The following WBP4 variants were observed in gnomAD, a reference collection of about 807,000 sequenced individuals.
WBP4 encodes WW domain binding protein 4, also known as WW domain-binding protein 4.
A neutral mutation model predicts 55.4 loss-of-function variants in WBP4; 37 were observed. That is an observed-to-expected ratio of 0.67 (90% CI 0.51 to 0.88). The LOEUF (loss-of-function observed/expected upper bound fraction) is 0.88, where lower values mean the gene tolerates loss of function less well. WBP4 is among the 40% of genes least tolerant of loss of function. The pLI is 0.00. For missense variants in WBP4, 398 were observed against 420.8 expected (o/e 0.95, Z 0.47); for synonymous variants, 142 against 140.2 (o/e 1.01, Z -0.09).
At chr13:41,078,402 C>T (rs145995397) in intron 8 of WBP4, among the ~76,000 whole-genome samples, 8 of 152,266 alleles carry the variant, frequency 5.3e-5, no homozygotes, top group African/African-American at 1.4e-4. Flanking sequence ...AGGGATACCC[C>T]ATTCAATAAA....
rs1593436764 is a variant in WBP4, at chr13:41,082,977, A to T, written c.*63A>T. ...ATGGAGACTTATACACCCAAAGTTT[A>T]TCTGTGTTTGTTTGTAAGTATTATG... is the stretch of plus-strand genomic sequence containing the variant. On this transcript the variant is annotated 3_prime_UTR_variant, in exon 10 of 10. Transcript: ENST00000379487. 1.4e-6 allele frequency: 2 copies of T among 1,467,372 alleles called. No homozygotes were observed. The highest frequency in any genetic ancestry group is 2.8e-5 in the African/African-American group (2 of 70,538). 90.9% of individuals were successfully genotyped at this position (1,467,372 alleles called of 1,614,324 possible).
intron 4 of WBP4, among the ~76,000 whole-genome samples, chr13:41,065,496 C>T (rs1408654632): frequency 6.6e-6 from 1 of 152,134 alleles, no homozygotes; most frequent in Non-Finnish European, 1.5e-5. Flanking sequence ...TTAACACCTT[C>T]ATTCATAGCA....
In WBP4 at chr13:41,064,851, C is replaced by A. The variant is rs545397025; in HGVS notation, c.76-165C>A. 3.9e-5 allele frequency among the ~76,000 whole-genome samples: 6 copies of A among 152,218 alleles called. No individual in the cohort carries two copies. In the South Asian group the frequency reaches 8.3e-4, roughly 21 times the overall value. ...AATAATAAACAATGTAGTTCCCTAG[C>A]ATCATTTGATTAAAAGGGCCAATTT... On this transcript the variant is annotated intron_variant, in intron 2 of 9. Transcript: ENST00000379487.
At chr13:41,070,121 T>C (rs563340290) in intron 5 of WBP4, among the ~76,000 whole-genome samples, 2 of 152,314 alleles carry the variant, frequency 1.3e-5, no homozygotes, top group East Asian at 3.9e-4. Context: ...ATAATAGAAG[T>C]GTAATTAAGA....
intron 7 of WBP4, 109 bp from the exon 8 acceptor site, chr13:41,075,935 A>G: frequency 2.6e-6 from 3 of 1,152,766 alleles, no homozygotes; most frequent in Non-Finnish European, 3.7e-6. Context: ...ATAGTATGAA[A>G]TACATACAGT....
intron 1 of WBP4, chr13:41,062,187 GTTTGT>G (rs1233093509): frequency 3.1e-6 from 3 of 963,372 alleles, no homozygotes; most frequent in African/African-American, 1.9e-5. Flanking sequence ...CTCAAGAACA[GTTTGT>G]TTTAACTGAG....
chr13:41,062,255 T>C, intron 1 of WBP4: 1 of 985,158 alleles, frequency 1.0e-6, no homozygotes, highest in Non-Finnish European at 1.2e-6. Context: ...GTTGTTCTCT[T>C]GGTGGGAATA....
At chr13:41,063,399 T>C (rs1877799066) in intron 2 of WBP4, among the ~76,000 whole-genome samples, 2 of 152,230 alleles carry the variant, frequency 1.3e-5, no homozygotes, top group African/African-American at 4.8e-5. Flanking sequence ...AATAGTAGTC[T>C]CATATTTTAA....
intron 5 of WBP4, among the ~76,000 whole-genome samples, chr13:41,071,044 T>C (rs912909826): frequency 6.6e-6 from 1 of 152,214 alleles, no homozygotes; most frequent in African/African-American, 2.4e-5. Flanking sequence ...ACTTATAAAC[T>C]GTTATTTCAT....
chr13:41,069,114 T>C (rs947325199), intron 5 of WBP4, among the ~76,000 whole-genome samples: 2 of 152,166 alleles, frequency 1.3e-5, no homozygotes, highest in African/African-American at 4.8e-5. Flanking sequence ...ACAGTAGAGA[T>C]TTTCTTCTGG....
chr13:41,078,983 T>A (rs941294270), intron 8 of WBP4, among the ~76,000 whole-genome samples: 1 of 152,104 alleles, frequency 6.6e-6, no homozygotes, highest in Non-Finnish European at 1.5e-5. Context: ...TTAAAAAGCT[T>A]ATGCACAGCA....
rs144239832 is a variant in WBP4, at chr13:41,082,773, C to T, written c.990C>T (p.Gly330=). 3,135 of 1,613,992 alleles carry T rather than the reference C, an allele frequency of 1.9e-3. 6 individuals carry two copies. The highest frequency in any genetic ancestry group is 2.2e-3 in the Non-Finnish European group (2,569 of 1,179,994). ...TATCAACTTCAGAAGCTGATGGTGGCGGAGAACCCAAAGTGGTATTTAAAG... is the reference window on the plus strand; with the variant it reads ...TATCAACTTCAGAAGCTGATGGTGGTGGAGAACCCAAAGTGGTATTTAAAG... ...EYVSTSEADG[G]GEPKVVFKEK... is the part of the protein sequence containing the mutation. The change falls in exon 10 of 10, where the codon GGC becomes GGT. Residue 330 remains glycine (G), a synonymous_variant. Coordinates refer to ENST00000379487, the MANE Select transcript of WBP4 (RefSeq NM_007187.5).
chr13:41,068,836 T>C, intron 5 of WBP4, 99 bp downstream of exon 5: 1 of 1,290,472 alleles, frequency 7.7e-7, no homozygotes, highest in Non-Finnish European at 1.0e-6. Context: ...TGGAGCACTT[T>C]AAATAGTGAA....
chr13:41,070,036 G>A (rs970112545), intron 5 of WBP4, among the ~76,000 whole-genome samples: 3 of 152,014 alleles, frequency 2.0e-5, no homozygotes, highest in African/African-American at 7.3e-5. Flanking sequence ...CATTTATGTA[G>A]CATCTTACTC....
At chr13:41,068,420 C>T (rs888995126) in intron 4 of WBP4, 141 bp from the exon 5 acceptor site, 13 of 729,366 alleles carry the variant, frequency 1.8e-5, no homozygotes, top group South Asian at 5.1e-5. Flanking sequence ...TTTATTTTTC[C>T]GAATGAACTT....
intron 2 of WBP4, among the ~76,000 whole-genome samples, chr13:41,064,563 C>T (rs1434682033): frequency 6.6e-6 from 1 of 152,120 alleles, no homozygotes; most frequent in Non-Finnish European, 1.5e-5. Flanking sequence ...ATACTTTTCT[C>T]CTAAATTTAA....
chr13:41,062,857 C>A, intron 2 of WBP4, 141 bp downstream of exon 2: 1 of 611,102 alleles, frequency 1.6e-6, no homozygotes, highest in Non-Finnish European at 2.7e-6. Flanking sequence ...TCTGTCTTCT[C>A]AGTCCCCTAT....
chr13:41,065,991 T>C (rs1877956668), intron 4 of WBP4, among the ~76,000 whole-genome samples: 1 of 152,200 alleles, frequency 6.6e-6, no homozygotes, highest in South Asian at 2.1e-4. Flanking sequence ...CAGCTTTCAA[T>C]TAAGGTTTTA....
In WBP4 at chr13:41,073,819, A is replaced by G. The variant is rs117796607; in HGVS notation, c.562+962A>G. On this transcript the variant is annotated intron_variant, in intron 7 of 9. Transcript: ENST00000379487. ...AAGACTGTCTCAAAATAAAATAAAA[A>G]ATAAAACTGAAGCTATTTAGTAGTG... Among the ~76,000 whole-genome samples, 415 of 152,340 alleles carry G rather than the reference A, an allele frequency of 2.7e-3. 8 individuals carry two copies. In the East Asian group the frequency reaches 0.049, roughly 18 times the overall value.
Sources: gnomAD v4.1 joint callset for allele counts (sites outside exome capture counted in the v4.1 genomes callset) on GRCh38, gnomAD v4.1.1 for gene constraint, MANE v1.5 for transcripts, NCBI Gene and HGNC (gene_info 2026-07-23, HGNC 2026-07-21) for gene names.